Variants in LSS observed in about 807,000 individuals in gnomAD.
LSS encodes the protein 2,3-epoxysqualene-lanosterol cyclase.
Under a neutral mutation model 110.3 loss-of-function variants are expected in LSS, and 90 were observed. The observed-to-expected ratio is 0.82, with a 90% CI of 0.69 to 0.97. LSS has a LOEUF of 0.97. LSS is among the 50% of genes least tolerant of loss of function. LSS has a pLI of 0.00. For synonymous variants in LSS, 433 were observed against 400.0 expected, an observed-to-expected ratio of 1.08 and a Z score of -0.98; for missense variants, 927 against 990.0, an observed-to-expected ratio of 0.94 and a Z score of 0.85.
Position 46,228,453 on chromosome 21 carries a change from T to C in LSS, c.161A>G (p.Tyr54Cys), listed in dbSNP as rs1176471334. The C allele has an allele frequency of 1.0e-5, 16 of 1,603,408 alleles. No individual in the cohort carries two copies. Among genetic ancestry groups the C allele is most frequent in the Non-Finnish European group, 1.4e-5 (16 of 1,179,618 alleles). The change falls in exon 2 of 22, where the codon TAC becomes TGC. Residue 54 changes from tyrosine (Y) to cysteine (C), a missense_variant. Physicochemically the swap from Tyr to Cys is radical, Grantham distance 194. Coordinates refer to ENST00000397728, the MANE Select transcript of LSS (RefSeq NM_002340.6). Reference protein sequence around the residue: ...AGREQTGLEAYALGLDTKNYF... With the variant: ...AGREQTGLEACALGLDTKNYF... ...ACTTACGGTGTCCAGCCCCAGGGCGTAGGCTTCCAGGCCGGTCTGCTCGCG... is the reference window on the plus strand; with the variant it reads ...ACTTACGGTGTCCAGCCCCAGGGCGCAGGCTTCCAGGCCGGTCTGCTCGCG...
At chr21:46,214,622 C>T (rs997747714) in intron 9 of LSS, among the ~76,000 whole-genome samples, 1 of 152,198 alleles carries the variant, frequency 6.6e-6, no homozygotes, top group Non-Finnish European at 1.5e-5. Flanking sequence ...CCTGCTGACT[C>T]TGTCAGGAGG....
chr21:46,219,462 A>G lies in LSS; in HGVS notation c.647+14T>C. 6.4e-7 allele frequency: 1 copy of G among 1,567,888 alleles called. No individual in the cohort carries two copies. Among genetic ancestry groups the G allele is most frequent in the Non-Finnish European group, 8.7e-7 (1 of 1,155,144 alleles). On this transcript the variant is annotated intron_variant, in intron 6 of 21. Transcript: ENST00000397728. ...GCAGCAGCGACCCAACAACCCAATC[A>G]ACAGCAGACATACCACATCTCTGGG...
At position 46,196,236 on chromosome 21, in the gene LSS, G is replaced by C. The variant is rs769430360; in HGVS notation, c.1702C>G (p.Arg568Gly). Reference protein sequence around the residue: ...ETLTQGLEFCRRQQRADGSWE... With the variant: ...ETLTQGLEFCGRQQRADGSWE... Reference sequence around the variant, plus strand: ...GAGCCATCGGCCCTCTGCTGCCGCCGACAGAACTCTAAGCCCTGCGTGAGG... The same window carrying C: ...GAGCCATCGGCCCTCTGCTGCCGCCCACAGAACTCTAAGCCCTGCGTGAGG... The change falls in exon 18 of 22, where the codon CGG becomes GGG. Residue 568 changes from arginine to glycine, a missense_variant. Coordinates refer to ENST00000397728, the MANE Select transcript of LSS (RefSeq NM_002340.6). 6.2e-7 allele frequency: 1 copy of C among 1,614,126 alleles called. No homozygotes were observed. The highest frequency in any genetic ancestry group is 2.2e-5 in the East Asian group (1 of 44,886).
intron 17 of LSS, among the ~76,000 whole-genome samples, chr21:46,201,942 C>T (rs1372810808): frequency 2.0e-5 from 3 of 150,708 alleles, no homozygotes; most frequent in Non-Finnish European, 4.4e-5. Flanking sequence ...GGACTACAAG[C>T]GCCCGCCACC....
Position 46,191,955 on chromosome 21 carries a change from G to C in LSS, c.1993C>G (p.Pro665Ala). ...AMMGLMAVRHPDIEAQERGVR... is the reference protein window; with the variant it reads ...AMMGLMAVRHADIEAQERGVR... ...CCTCTCTCCTGGGCCTCGATGTCAG[G>C]ATGCCTGGTGGAAGAGAAGGCTGAA... Residue 665 changes from proline to alanine, a missense_variant, in exon 21 of 22, where the codon CCT becomes GCT. Physicochemically the swap from Pro to Ala is conservative, Grantham distance 27. Transcript: ENST00000397728. 1 of 1,612,938 alleles carries C rather than the reference G, an allele frequency of 6.2e-7. No homozygotes were observed. The highest frequency in any genetic ancestry group is 8.5e-7 in the Non-Finnish European group (1 of 1,179,398).
chr21:46,228,325 G>T, intron 2 of LSS, 109 bp downstream of exon 2: 1 of 1,292,288 alleles, frequency 7.7e-7, no homozygotes, highest in Non-Finnish European at 1.0e-6. Context: ...CCTTGGGGAT[G>T]GGCGTCGCTG....
Position 46,215,683 on chromosome 21 carries a change from A to AGGAGCCGGC in LSS, c.892+1_892+2insGCCGGCTCC, listed in dbSNP as rs1319689304. The AGGAGCCGGC allele has an allele frequency of 1.2e-6, 2 of 1,601,464 alleles. No homozygotes were observed. The highest frequency in any genetic ancestry group is 2.2e-5 in the South Asian group (2 of 90,114). On this transcript the variant is annotated splice_donor_variant, in intron 8 of 21. Coordinates refer to ENST00000397728, the MANE Select transcript of LSS (RefSeq NM_002340.6). Reference sequence around the variant, plus strand: ...CCTGCCGGCCCCTCAGGAGGCGCTCACCATATACCACGCGGAGCAGCCAGC... The same window carrying AGGAGCCGGC: ...CCTGCCGGCCCCTCAGGAGGCGCTCAGGAGCCGGCCCATATACCACGCGGAGCAGCCAGC...
chr21:46,212,088 G>C (rs2080141932), intron 11 of LSS, among the ~76,000 whole-genome samples: 1 of 152,168 alleles, frequency 6.6e-6, no homozygotes, highest in Non-Finnish European at 1.5e-5. Flanking sequence ...GAGGGGCAGG[G>C]AGGCCAGGGC....
rs907815161 is a variant in LSS at position 46,190,902 on chromosome 21, G to C, written c.*202C>G. 2.8e-5 allele frequency: 16 copies of C among 579,650 alleles called. 1 individual carries two copies. In the African/African-American group the frequency reaches 3.8e-4, roughly 14 times the overall value. 35.9% of individuals were successfully genotyped at this position (579,650 alleles called of 1,614,324 possible). A position where few individuals can be genotyped will look rare whatever the true frequency, so the allele number is the denominator to read the frequency against. ...AGCCCGACAAGCTACTTTCAGAAAT[G>C]AACCTACAGTAAAAATCAAGAGTCT... On this transcript the variant is annotated 3_prime_UTR_variant, in exon 22 of 22. Transcript: ENST00000397728. The surrounding 1 kb of genome is among the most constrained non-coding windows in gnomAD (Gnocchi z 4.6).
rs140530167 is a variant in LSS, at chr21:46,222,631, G to A, written c.427C>T (p.Leu143=). The part of the protein sequence containing the change: ...SVQLPDGGWG[L]HIEDKSTVFG... ...TGACACAGGGGCAGGCACACTCACA[G>A]GCCCCAGCCACCGTCAGGGAGCTGC... The change falls in exon 4 of 22, where the codon CTG becomes TTG. Residue 143 remains leucine (L), a splice_region_variant and synonymous_variant. Transcript: ENST00000397728. 1.8e-5 allele frequency: 29 copies of A among 1,612,410 alleles called. 1 individual carries two copies. Among genetic ancestry groups the A allele is most frequent in the Middle Eastern group, 3.3e-4 (2 of 6,084 alleles).
chr21:46,191,658 T>TC (rs2079817582), intron 21 of LSS, among the ~76,000 whole-genome samples: 1 of 151,966 alleles, frequency 6.6e-6, no homozygotes, highest in Admixed American at 6.6e-5. Flanking sequence ...ATCCAGCTCC[T>TC]CCCCCACCCA....
chr21:46,206,110 G>A (rs2123720367), intron 16 of LSS, among the ~76,000 whole-genome samples, 169 bp from the exon 17 acceptor site: 1 of 152,352 alleles, frequency 6.6e-6, no homozygotes, highest in South Asian at 2.1e-4. Context: ...ACACACACCT[G>A]TGCTACCTGA....
At chr21:46,210,063 C>CTTT (rs71318051) in intron 12 of LSS, among the ~76,000 whole-genome samples, 199 of 107,560 alleles carry the variant, frequency 1.9e-3, no homozygotes, top group Non-Finnish European at 2.3e-3. Flanking sequence ...AGTTCCAGTT[C>CTTT]TTTTTTTTTT....
intron 9 of LSS, 29 bp downstream of exon 9, chr21:46,215,151 G>A: frequency 6.3e-7 from 1 of 1,576,930 alleles, no homozygotes; most frequent in South Asian, 1.1e-5. Context: ...CCCAGGGGCT[G>A]CAGTCAGAGG....
intron 17 of LSS, among the ~76,000 whole-genome samples, chr21:46,204,856 A>T (rs995850898): frequency 2.0e-5 from 3 of 152,176 alleles, no homozygotes; most frequent in African/African-American, 7.2e-5. Context: ...AAACATTATA[A>T]AGAAAAAAAA....
chr21:46,208,769 GGGCAGGA>G (rs941405127), intron 13 of LSS, among the ~76,000 whole-genome samples: 18 of 152,340 alleles, frequency 1.2e-4, no homozygotes, highest in Admixed American at 1.0e-3. Context: ...AGCAAGTCCT[GGGCAGGA>G]GGCAGGAGCA....
At chr21:46,203,314 CACA>C (rs2080003315) in intron 17 of LSS, among the ~76,000 whole-genome samples, 2 of 152,336 alleles carry the variant, frequency 1.3e-5, no homozygotes, top group South Asian at 4.1e-4. Context: ...AGTAAAATGA[CACA>C]ACACCTGTGC....
At chr21:46,212,049 TGGGCAGGGAG>T (rs146621202) in intron 11 of LSS, among the ~76,000 whole-genome samples, 64,114 of 146,296 alleles carry the variant, frequency 0.44, 13,703 homozygotes, top group African/African-American at 0.49. Flanking sequence ...GAGGGAGCGC[TGGGCAGGGAG>T]GGGCAGGGAG....
intron 20 of LSS, 158 bp from the exon 21 acceptor site, chr21:46,192,117 G>C (rs1049805015): frequency 3.1e-6 from 2 of 654,140 alleles, no homozygotes; most frequent in Admixed American, 2.3e-5. Context: ...TGCAGCCAGC[G>C]CCTCGGGCTC....
Sources: gnomAD v4.1 joint callset for allele counts (sites outside exome capture counted in the v4.1 genomes callset) on GRCh38, gnomAD v4.1.1 for gene constraint, Gnocchi (gnomAD v3.1) non-coding constraint, MANE v1.5 for transcripts, NCBI Gene and HGNC (gene_info 2026-07-23, HGNC 2026-07-21) for gene names.